Variants in DNAH7 observed in about 807,000 individuals in gnomAD.
The protein encoded by DNAH7 is dynein axonemal heavy chain 7, also known as axonemal beta dynein heavy chain 7.
DNAH7 carries 397 observed loss-of-function variants against 444.6 expected under a neutral mutation model. That is an observed-to-expected ratio of 0.89 (90% confidence interval 0.82 to 0.97). DNAH7 has a LOEUF of 0.97. DNAH7 is among the 50% of genes least tolerant of loss of function. DNAH7 has a pLI of 0.00. For missense variants in DNAH7, 4,902 were observed against 4,800.8 expected (o/e 1.02, Z -0.62); for synonymous variants, 1,636 against 1,624.4 (o/e 1.01, Z -0.17).
chr2:195,886,416 T>A, intron 33 of DNAH7, 144 bp from the exon 34 acceptor site: 1 of 687,902 alleles, frequency 1.5e-6, no homozygotes, highest in Non-Finnish European at 2.3e-6. Flanking sequence ...GGTACTATTA[T>A]TACAATTCAC....
rs10642584 is a variant in DNAH7, at chr2:195,737,724, CTT to C, written c.*195_*196del. 1 of 514,738 alleles carries C rather than the reference CTT, an allele frequency of 1.9e-6. No homozygotes were observed. The highest frequency in any genetic ancestry group is 1.9e-5 in the African/African-American group (1 of 51,518). 31.9% of individuals were successfully genotyped at this position (514,738 alleles called of 1,614,324 possible). A position where few individuals can be genotyped will look rare whatever the true frequency, so the allele number is the denominator to read the frequency against. ...AATATGCCAGTGTGTTTTCTTTAGT[CTT>C]TATTTCAGAACATTTCCTTACATTT... On this transcript the variant is annotated 3_prime_UTR_variant, in exon 65 of 65. Coordinates refer to ENST00000312428, the MANE Select transcript of DNAH7 (RefSeq NM_018897.3).
chr2:195,861,730 C>CTT lies in DNAH7; in HGVS notation c.7722_7723insAA (p.Glu2575LysfsTer8). On this transcript the variant is annotated frameshift_variant, in exon 42 of 65. Coordinates refer to ENST00000312428, the MANE Select transcript of DNAH7 (RefSeq NM_018897.3). LOFTEE classifies it high-confidence loss of function. ...TTTGATTTTTACCTTCTTTTCTTTT[C>CTT]TAACAACAGTTTGAAGGTGGAGATT... 6.2e-7 allele frequency: 1 copy of CTT among 1,609,010 alleles called. No homozygotes were observed. Among genetic ancestry groups the CTT allele is most frequent in the Non-Finnish European group, 8.5e-7 (1 of 1,176,962 alleles).
intron 17 of DNAH7, among the ~76,000 whole-genome samples, chr2:195,965,442 T>A (rs1011688547): frequency 9.8e-5 from 15 of 152,314 alleles, no homozygotes; most frequent in South Asian, 2.1e-4. Context: ...TTTTGATGTG[T>A]CTTTGTCTAG....
intron 46 of DNAH7, among the ~76,000 whole-genome samples, chr2:195,852,072 C>A (rs926132838): frequency 1.8e-4 from 27 of 152,086 alleles, no homozygotes; most frequent in East Asian, 1.9e-4. Flanking sequence ...TCCTGGCTAA[C>A]ATGGTGAAAC....
rs1286010499 is a variant in DNAH7, at chr2:195,897,581, C to G, written c.4647+86G>C. The G allele has an allele frequency of 1.1e-5, 8 of 715,630 alleles. No homozygotes were observed. The East Asian group carries it at 1.8e-4, about 16-fold the overall frequency. 44.3% of individuals were successfully genotyped at this position (715,630 alleles called of 1,614,324 possible). A position where few individuals can be genotyped will look rare whatever the true frequency, so the allele number is the denominator to read the frequency against. Reference sequence around the variant, plus strand: ...TTTCTCTGTACTGTGTCATTGTTTTCCATAGTGGGAGCTTCACAACCTTAG... The same window carrying G: ...TTTCTCTGTACTGTGTCATTGTTTTGCATAGTGGGAGCTTCACAACCTTAG... On this transcript the variant is annotated intron_variant, in intron 29 of 64. Transcript: ENST00000312428.
chr2:195,866,818 T>A (rs1349562516), intron 40 of DNAH7, among the ~76,000 whole-genome samples: 1 of 152,228 alleles, frequency 6.6e-6, no homozygotes, highest in African/African-American at 2.4e-5. Flanking sequence ...TCATCTTGAA[T>A]TCCCACGTGT....
chr2:195,990,034 G>C (rs1693196858), intron 12 of DNAH7, among the ~76,000 whole-genome samples: 1 of 151,992 alleles, frequency 6.6e-6, no homozygotes, highest in Non-Finnish European at 1.5e-5. Context: ...CCATTATGTG[G>C]GCTCTTTATT....
intron 61 of DNAH7, among the ~76,000 whole-genome samples, chr2:195,759,870 TCTCA>T (rs1453644838): frequency 6.6e-6 from 1 of 152,014 alleles, no homozygotes; most frequent in Non-Finnish European, 1.5e-5. Context: ...AGAGATGGTA[TCTCA>T]CTATGTTGAC....
chr2:195,810,859 GTTGTC>G (rs1436223646), intron 51 of DNAH7, among the ~76,000 whole-genome samples: 5 of 152,120 alleles, frequency 3.3e-5, no homozygotes, highest in Admixed American at 3.3e-4. Flanking sequence ...ATGCTAATAG[GTTGTC>G]TTTTCATGCA....
rs1694578409 is a variant in DNAH7 at position 196,009,261 on chromosome 2, G to A, written c.989+3526C>T. Among the ~76,000 whole-genome samples, 7 of 152,072 alleles carry A rather than the reference G, an allele frequency of 4.6e-5. No individual in the cohort carries two copies. The South Asian group carries it at 1.5e-3, about 32-fold the overall frequency. ...GCATGGTGAAAATGAAAATGTTCTGGAACTAATGGTAATGGTTGCACAACC... is the reference window on the plus strand; with the variant it reads ...GCATGGTGAAAATGAAAATGTTCTGAAACTAATGGTAATGGTTGCACAACC... On this transcript the variant is annotated intron_variant, in intron 10 of 64. Coordinates refer to ENST00000312428, the MANE Select transcript of DNAH7 (RefSeq NM_018897.3).
chr2:195,963,348 T>A (rs1243997639), intron 17 of DNAH7, among the ~76,000 whole-genome samples: 1 of 152,228 alleles, frequency 6.6e-6, no homozygotes, highest in South Asian at 2.1e-4. Flanking sequence ...GATTTGCATG[T>A]CTCTGATAAT....
intron 24 of DNAH7, among the ~76,000 whole-genome samples, chr2:195,920,125 C>T (rs959308059): frequency 1.3e-5 from 2 of 152,070 alleles, no homozygotes; most frequent in Non-Finnish European, 2.9e-5. Context: ...GTGATAATGA[C>T]CATACTGCCA....
In DNAH7 at chr2:195,806,817, C is replaced by A. The variant is rs759912480; in HGVS notation, c.10099G>T (p.Val3367Phe). Residue 3367 changes from valine (V) to phenylalanine (F), a missense_variant, in exon 54 of 65, where the codon GTT becomes TTT. Transcript: ENST00000312428. ...VYDSLEPHHE[V>F]FPEEWEDKAN... is the part of the protein sequence containing the mutation. Reference sequence around the variant, plus strand: ...TTATCTTCCCATTCTTCAGGGAAAACCTCATGGTGTGGTTCCTAAAATTAC... The same window carrying A: ...TTATCTTCCCATTCTTCAGGGAAAAACTCATGGTGTGGTTCCTAAAATTAC... The A allele has an allele frequency of 1.2e-6, 2 of 1,613,088 alleles. No individual in the cohort carries two copies. Among genetic ancestry groups the A allele is most frequent in the African/African-American group, 2.7e-5 (2 of 74,892 alleles).
At chr2:195,887,391 A>C (rs1701767464) in intron 33 of DNAH7, among the ~76,000 whole-genome samples, 1 of 151,884 alleles carries the variant, frequency 6.6e-6, no homozygotes, top group Non-Finnish European at 1.5e-5. Context: ...TTCTTGAAAG[A>C]GCAGGGTGGA....
intron 54 of DNAH7, among the ~76,000 whole-genome samples, chr2:195,802,152 A>G (rs1304495436): frequency 6.6e-6 from 1 of 152,232 alleles, no homozygotes; most frequent in Non-Finnish European, 1.5e-5. Flanking sequence ...TCACCTACAC[A>G]TAAAGTTTCA....
At chr2:195,973,310 G>A (rs994136879) in intron 15 of DNAH7, among the ~76,000 whole-genome samples, 1 of 152,172 alleles carries the variant, frequency 6.6e-6, no homozygotes, top group Non-Finnish European at 1.5e-5. Context: ...GGTAATAGGA[G>A]CTCCTTTGTG....
At chr2:196,030,125 T>C (rs1445731855) in intron 5 of DNAH7, among the ~76,000 whole-genome samples, 2 of 152,234 alleles carry the variant, frequency 1.3e-5, no homozygotes, top group East Asian at 3.8e-4. Context: ...AGAGGTTTAA[T>C]GGACTTACAG....
chr2:196,048,203 G>T, intron 4 of DNAH7, 93 bp downstream of exon 4: 1 of 1,125,894 alleles, frequency 8.9e-7, no homozygotes, highest in Non-Finnish European at 1.2e-6. Context: ...TGTCATTCAG[G>T]TTTTGTACTT....
chr2:195,906,207 A>G (rs1285121005), intron 27 of DNAH7, among the ~76,000 whole-genome samples: 2 of 152,070 alleles, frequency 1.3e-5, no homozygotes, highest in East Asian at 1.9e-4. Context: ...GCATTTTTCT[A>G]TATTTTGTAA....
Sources: allele counts gnomAD v4.1 joint callset (sites outside exome capture counted in the v4.1 genomes callset), GRCh38; gene constraint gnomAD v4.1.1; transcripts MANE v1.5; gene names NCBI Gene and HGNC (gene_info 2026-07-23, HGNC 2026-07-21).